Variants in TRIP4 observed in about 807,000 individuals in gnomAD.
TRIP4 encodes the protein activating signal cointegrator 1.
A neutral mutation model predicts 81.8 loss-of-function variants in TRIP4; 54 were observed. The observed-to-expected ratio is 0.66, with a 90% CI of 0.53 to 0.83. The LOEUF is 0.83. TRIP4 is among the 40% of genes least tolerant of loss of function. The probability of loss-of-function intolerance (pLI) is 0.00; values close to 1 mark genes in which losing one functional copy is unlikely to be tolerated. For missense variants in TRIP4, 662 were observed against 683.6 expected (o/e 0.97, Z 0.35); for synonymous variants, 270 against 242.8 (o/e 1.11, Z -1.04).
At chr15:64,390,385 C>A (rs1032522569) in intron 1 of TRIP4, among the ~76,000 whole-genome samples, 34 of 150,728 alleles carry the variant, frequency 2.3e-4, no homozygotes, top group African/African-American at 7.5e-4. Flanking sequence ...TCCCTTGAAC[C>A]GCGGGGCAGA....
intron 7 of TRIP4, among the ~76,000 whole-genome samples, chr15:64,412,879 A>G (rs1030614990): frequency 3.3e-5 from 5 of 152,316 alleles, no homozygotes; most frequent in Non-Finnish European, 7.3e-5. Flanking sequence ...CTTTAAATGA[A>G]AATCATCACA....
chr15:64,396,049 C>T lies in TRIP4; in HGVS notation c.405+518C>T, dbSNP rs549498963. Among the ~76,000 whole-genome samples the T allele has an allele frequency of 3.2e-4, 48 of 151,956 alleles. 1 individual carries two copies. The highest frequency in any genetic ancestry group is 6.8e-3 in the Middle Eastern group (2 of 294). ...TCAGCCTCCCAAGTAGCTGGGACTG[C>T]ATGCGCACACTGCCACGCCCAGCTA... On this transcript the variant is annotated intron_variant, in intron 3 of 12. Coordinates refer to ENST00000261884, the MANE Select transcript of TRIP4 (RefSeq NM_016213.5).
chr15:64,399,899 C>T (rs1446490764), intron 4 of TRIP4, among the ~76,000 whole-genome samples: 2 of 149,462 alleles, frequency 1.3e-5, no homozygotes, highest in South Asian at 2.1e-4. Flanking sequence ...GACTTGAGCC[C>T]GGGAGGTGGA....
chr15:64,403,386 C>T (rs1891556733), intron 5 of TRIP4, among the ~76,000 whole-genome samples: 1 of 151,948 alleles, frequency 6.6e-6, no homozygotes, highest in African/African-American at 2.4e-5. Context: ...GTCTTGATCT[C>T]TTGACCTCGT....
At chr15:64,395,053 C>T (rs1290652132) in intron 2 of TRIP4, among the ~76,000 whole-genome samples, 2 of 152,044 alleles carry the variant, frequency 1.3e-5, no homozygotes, top group African/African-American at 4.8e-5. Flanking sequence ...ACTCTGTTGT[C>T]CAGGGTGCTC....
At chr15:64,440,989 CA>C (rs1892503249) in intron 11 of TRIP4, among the ~76,000 whole-genome samples, 1 of 149,810 alleles carries the variant, frequency 6.7e-6, no homozygotes, top group Non-Finnish European at 1.5e-5. Flanking sequence ...TTGGTAAATT[CA>C]TTTTTTTTTT....
chr15:64,418,514 G>A (rs758518998), intron 8 of TRIP4, 27 bp from the exon 9 acceptor site: 1 of 1,591,490 alleles, frequency 6.3e-7, no homozygotes, highest in South Asian at 1.1e-5. Flanking sequence ...TTATAAGATA[G>A]AACTGTATGT....
intron 1 of TRIP4, chr15:64,393,716 A>G (rs1900202171): frequency 3.1e-6 from 1 of 327,268 alleles, no homozygotes; most frequent in Non-Finnish European, 5.5e-6. Flanking sequence ...ACTCACTAGT[A>G]ATCGTTTTGG....
At chr15:64,435,720 A>G (rs900932673) in intron 11 of TRIP4, among the ~76,000 whole-genome samples, 2 of 149,150 alleles carry the variant, frequency 1.3e-5, no homozygotes, top group African/African-American at 2.5e-5. Context: ...CCCAACCATA[A>G]TAACTATCAC....
intron 9 of TRIP4, among the ~76,000 whole-genome samples, chr15:64,422,759 G>A (rs1892047994): frequency 6.6e-6 from 1 of 152,192 alleles, no homozygotes; most frequent in Non-Finnish European, 1.5e-5. Flanking sequence ...CTAGTACACA[G>A]TCACTTTATT....
chr15:64,408,822 A>G (rs1407285609), intron 6 of TRIP4, among the ~76,000 whole-genome samples: 2 of 152,092 alleles, frequency 1.3e-5, no homozygotes, highest in African/African-American at 4.8e-5. Flanking sequence ...GATAGGCCTA[A>G]TTGTCATATT....
At chr15:64,453,813 A>G (rs1282422852) in intron 12 of TRIP4, among the ~76,000 whole-genome samples, 1 of 152,162 alleles carries the variant, frequency 6.6e-6, no homozygotes, top group Non-Finnish European at 1.5e-5. Flanking sequence ...AAACAGAGAA[A>G]CTTGTTAGGC....
At chr15:64,441,173 T>A (rs1892509290) in intron 11 of TRIP4, among the ~76,000 whole-genome samples, 2 of 151,882 alleles carry the variant, frequency 1.3e-5, no homozygotes, top group Non-Finnish European at 2.9e-5. Context: ...ATTTTTTGTA[T>A]TTTTAGTAGA....
chr15:64,418,082 G>A (rs1409623585), intron 8 of TRIP4, among the ~76,000 whole-genome samples: 1 of 152,056 alleles, frequency 6.6e-6, no homozygotes, highest in African/African-American at 2.4e-5. Context: ...TGGCCTTATT[G>A]CAGACAAAGA....
At chr15:64,444,018 C>G (rs1438320552) in intron 11 of TRIP4, among the ~76,000 whole-genome samples, 1 of 152,062 alleles carries the variant, frequency 6.6e-6, no homozygotes, top group African/African-American at 2.4e-5. Context: ...TTTAACTATT[C>G]ATGCTTCTAG....
At chr15:64,447,305 C>T (rs1892656368) in intron 12 of TRIP4, among the ~76,000 whole-genome samples, 1 of 152,104 alleles carries the variant, frequency 6.6e-6, no homozygotes, top group South Asian at 2.1e-4. Context: ...CTCACTGGTG[C>T]GAAACTCTCC....
At chr15:64,413,020 C>A (rs892282148) in intron 7 of TRIP4, among the ~76,000 whole-genome samples, 1 of 152,006 alleles carries the variant, frequency 6.6e-6, no homozygotes, top group Non-Finnish European at 1.5e-5. Flanking sequence ...CATTTTTGTT[C>A]TGGGCCAGTA....
intron 6 of TRIP4, among the ~76,000 whole-genome samples, chr15:64,407,089 T>C (rs1891640241): frequency 6.6e-6 from 1 of 152,098 alleles, no homozygotes; most frequent in African/African-American, 2.4e-5. Flanking sequence ...TGAAAACCAG[T>C]TAGTGGTAAA....
chr15:64,388,071 G>T, intron 1 of TRIP4, 107 bp downstream of exon 1: 12 of 1,421,282 alleles, frequency 8.4e-6, no homozygotes, highest in Non-Finnish European at 1.1e-5. Flanking sequence ...ATGTGATAAA[G>T]GGGCTGCAGT....
Sources: gnomAD v4.1 joint callset for allele counts (sites outside exome capture counted in the v4.1 genomes callset) on GRCh38, gnomAD v4.1.1 for gene constraint, MANE v1.5 for transcripts, NCBI Gene and HGNC (gene_info 2026-07-23, HGNC 2026-07-21) for gene names.